The following ADARB2 variants were observed in gnomAD, a reference collection of about 807,000 sequenced individuals.
ADARB2 encodes inactive double-stranded RNA-specific editase B2.
A neutral mutation model predicts 62.2 loss-of-function variants in ADARB2; 25 were observed. The ratio of observed to expected loss-of-function variants is 0.40; its 90% CI spans 0.29 to 0.56. The LOEUF (loss-of-function observed/expected upper bound fraction) is 0.56. Ranked by LOEUF, ADARB2 falls within the 20% of genes least tolerant of loss-of-function variation. ADARB2 has a pLI of 0.43. For missense variants in ADARB2, 1,071 were observed against 1,077.4 expected, an observed-to-expected ratio of 0.99 and a Z score of 0.08; for synonymous variants, 572 against 500.8, an observed-to-expected ratio of 1.14 and a Z score of -1.90.
At chr10:1,602,873 C>G (rs1349281963) in intron 1 of ADARB2, among the ~76,000 whole-genome samples, 1 of 151,868 alleles carries the variant, frequency 6.6e-6, no homozygotes, top group Non-Finnish European at 1.5e-5. Flanking sequence ...ATACACATAT[C>G]AACACACACA....
intron 1 of ADARB2, among the ~76,000 whole-genome samples, chr10:1,418,503 T>C (rs1250650131): frequency 1.3e-5 from 2 of 152,330 alleles, no homozygotes; most frequent in African/African-American, 2.4e-5. Flanking sequence ...TACTCAAATG[T>C]CACTTAACTA....
intron 7 of ADARB2, among the ~76,000 whole-genome samples, chr10:1,207,847 ATT>A (rs777400835): frequency 3.9e-5 from 6 of 152,214 alleles, no homozygotes; most frequent in South Asian, 2.1e-4. Flanking sequence ...TCAATGTTTG[ATT>A]AATCTTAGAG....
chr10:1,567,378 C>T (rs965291394), intron 1 of ADARB2, among the ~76,000 whole-genome samples: 13 of 152,286 alleles, frequency 8.5e-5, no homozygotes, highest in Middle Eastern at 3.4e-3. Flanking sequence ...ATGGGTGGTG[C>T]CTGGATGTGG....
chr10:1,258,662 G>T (rs1049104115), intron 4 of ADARB2, among the ~76,000 whole-genome samples: 1 of 152,138 alleles, frequency 6.6e-6, no homozygotes, highest in Non-Finnish European at 1.5e-5. Flanking sequence ...AATCCTTAGT[G>T]ACCTACAAAG....
In ADARB2 at chr10:1,182,034, C is replaced by T. The variant is rs1836681410; in HGVS notation, c.*1159G>A. ...CTGCTCTGAGGGTCACAGAATCCTG[C>T]CTCTTACATTTTTTGACAGCTGAAC... On this transcript the variant is annotated 3_prime_UTR_variant, in exon 10 of 10. Transcript: ENST00000381312. The T allele has an allele frequency of 6.6e-6, 1 of 152,180 alleles. No homozygotes were observed. Among genetic ancestry groups the T allele is most frequent in the South Asian group, 2.1e-4 (1 of 4,826 alleles). The allele number at this position is 152,180 out of a possible 1,614,324, so 9.4% of individuals were successfully genotyped here.
chr10:1,538,252 G>T (rs2131965808), intron 1 of ADARB2, among the ~76,000 whole-genome samples: 1 of 152,338 alleles, frequency 6.6e-6, no homozygotes, highest in South Asian at 2.1e-4. Context: ...TGGCTGCAGG[G>T]GTCGCAGACC....
intron 1 of ADARB2, among the ~76,000 whole-genome samples, chr10:1,550,949 G>A (rs1231466843): frequency 6.6e-6 from 1 of 152,136 alleles, no homozygotes; most frequent in African/African-American, 2.4e-5. Flanking sequence ...TAAAAAGGAC[G>A]GCAGAAAAGG....
chr10:1,506,457 C>T (rs1831854388), intron 1 of ADARB2, among the ~76,000 whole-genome samples: 1 of 152,208 alleles, frequency 6.6e-6, no homozygotes, highest in South Asian at 2.1e-4. Context: ...TTCCCAAGCA[C>T]CAGACACCAG....
chr10:1,354,074 G>A (rs1832170762), intron 3 of ADARB2, among the ~76,000 whole-genome samples: 1 of 151,990 alleles, frequency 6.6e-6, no homozygotes, highest in Admixed American at 6.6e-5. Context: ...TCCCACTCTA[G>A]GTTTCCACGC....
chr10:1,728,421 T>C (rs1271673116), intron 1 of ADARB2, among the ~76,000 whole-genome samples: 1 of 152,260 alleles, frequency 6.6e-6, no homozygotes, highest in Non-Finnish European at 1.5e-5. Context: ...ACTGCTGCTG[T>C]TCTAGAGCTG....
rs1157756983 is a variant in ADARB2, at chr10:1,704,851, G to A, written c.100+32200C>T. 6.6e-6 allele frequency among the ~76,000 whole-genome samples: 1 copy of A among 152,150 alleles called. No individual in the cohort carries two copies. Among genetic ancestry groups the A allele is most frequent in the African/African-American group, 2.4e-5 (1 of 41,418 alleles). On this transcript the variant is annotated intron_variant, in intron 1 of 9. Coordinates refer to ENST00000381312, the MANE Select transcript of ADARB2 (RefSeq NM_018702.4). This position sits in a 1 kb window ranked among gnomAD's most constrained non-coding sequence, Gnocchi z 5.6. ...GGTGAGCTTGCATATGCCAGCCTGAGCCTCCACTCTCTCACTGAGGAGCCC... is the reference window on the plus strand; with the variant it reads ...GGTGAGCTTGCATATGCCAGCCTGAACCTCCACTCTCTCACTGAGGAGCCC...
chr10:1,710,895 G>A (rs1340118573), intron 1 of ADARB2, among the ~76,000 whole-genome samples: 1 of 152,134 alleles, frequency 6.6e-6, no homozygotes, highest in African/African-American at 2.4e-5. Context: ...CTCCACAGAT[G>A]CTTCCCAGGC....
chr10:1,554,576 C>T (rs1281062328), intron 1 of ADARB2, among the ~76,000 whole-genome samples: 1 of 152,122 alleles, frequency 6.6e-6, no homozygotes, highest in East Asian at 1.9e-4. Flanking sequence ...GCACAGATGG[C>T]TTCCCTTCAT....
chr10:1,444,127 C>T (rs1019811922), intron 1 of ADARB2, among the ~76,000 whole-genome samples: 2 of 151,564 alleles, frequency 1.3e-5, no homozygotes, highest in Non-Finnish European at 2.9e-5. Flanking sequence ...TCCATCTATC[C>T]ATCTACCCAC....
intron 1 of ADARB2, among the ~76,000 whole-genome samples, chr10:1,663,250 T>A (rs1458148597): frequency 2.0e-5 from 3 of 152,246 alleles, no homozygotes; most frequent in African/African-American, 7.2e-5. Flanking sequence ...ACATCTTGCA[T>A]CCATGTGCGC....
chr10:1,647,291 C>G lies in ADARB2; in HGVS notation c.100+89760G>C, dbSNP rs566261291. 1.4e-4 allele frequency among the ~76,000 whole-genome samples: 22 copies of G among 152,230 alleles called. 1 individual carries two copies. The South Asian group carries it at 4.4e-3, about 30-fold the overall frequency. ...CACTATTTTCTGTTAGCTGTGATTTCTTCTACCATTGGCTCCTTATGAAAA... is the reference window on the plus strand; with the variant it reads ...CACTATTTTCTGTTAGCTGTGATTTGTTCTACCATTGGCTCCTTATGAAAA... On this transcript the variant is annotated intron_variant, in intron 1 of 9. Coordinates refer to ENST00000381312, the MANE Select transcript of ADARB2 (RefSeq NM_018702.4).
At chr10:1,653,948 G>T (rs998922815) in intron 1 of ADARB2, among the ~76,000 whole-genome samples, 3 of 152,180 alleles carry the variant, frequency 2.0e-5, no homozygotes, top group Non-Finnish European at 2.9e-5. Flanking sequence ...GTGGCTGGGG[G>T]AGGGGAGTAA....
intron 3 of ADARB2, chr10:1,291,606 A>C (rs915097646): frequency 6.6e-6 from 1 of 152,212 alleles, no homozygotes; most frequent in African/African-American, 2.4e-5. Context: ...AACTGCATGG[A>C]GTGAGCGCCC....
intron 1 of ADARB2, among the ~76,000 whole-genome samples, chr10:1,611,676 A>G (rs541806986): frequency 1.2e-4 from 11 of 95,306 alleles, no homozygotes; most frequent in Non-Finnish European, 1.7e-4. Context: ...GAAGGAAAGG[A>G]GGAAAAAACA....
Sources: allele counts gnomAD v4.1 joint callset (sites outside exome capture counted in the v4.1 genomes callset), GRCh38; gene constraint gnomAD v4.1.1; non-coding constraint Gnocchi (gnomAD v3.1); transcripts MANE v1.5; gene names NCBI Gene and HGNC (gene_info 2026-07-23, HGNC 2026-07-21).